ATXN1: variants seen among roughly 807,000 people sequenced by gnomAD.
ATXN1 encodes the protein ataxin-1.
Under a neutral mutation model 56.4 loss-of-function variants are expected in ATXN1, and 8 were observed. The observed-to-expected ratio is 0.14, with a 90% CI of 0.08 to 0.26. ATXN1 has a LOEUF of 0.26. Ranked by LOEUF, ATXN1 falls within the 10% of genes least tolerant of loss-of-function variation. The pLI, the probability that ATXN1 is intolerant of heterozygous loss-of-function variation, is 1.00. For synonymous variants in ATXN1, 514 were observed against 494.6 expected (o/e 1.04, Z -0.52); for missense variants, 987 against 1,106.5 (o/e 0.89, Z 1.53).
At chr6:16,627,548 G>A (rs549820881) in intron 3 of ATXN1, among the ~76,000 whole-genome samples, 137 of 152,252 alleles carry the variant, frequency 9.0e-4, no homozygotes, top group African/African-American at 3.2e-3. Context: ...CCAACATGGT[G>A]AAATCCCATC....
At chr6:16,472,766 CCATT>C (rs1415740743) in intron 6 of ATXN1, among the ~76,000 whole-genome samples, 1 of 152,116 alleles carries the variant, frequency 6.6e-6, no homozygotes, top group Non-Finnish European at 1.5e-5. Flanking sequence ...AAAATGCATC[CCATT>C]CAGTTAGCAG....
chr6:16,440,559 T>C (rs888507560), intron 6 of ATXN1, among the ~76,000 whole-genome samples: 1 of 149,160 alleles, frequency 6.7e-6, no homozygotes, highest in Admixed American at 6.8e-5. Flanking sequence ...GATGATTGCT[T>C]GAACCCAGGA....
intron 3 of ATXN1, among the ~76,000 whole-genome samples, chr6:16,611,746 A>G (rs1763109514): frequency 6.6e-6 from 1 of 152,108 alleles, no homozygotes; most frequent in South Asian, 2.1e-4. Context: ...AAGATAGTAG[A>G]GCATGGAAAT....
chr6:16,606,867 T>TGTTGTGTGTGTGTGTGTGTGTGTGTG (rs1554119511), intron 3 of ATXN1, among the ~76,000 whole-genome samples: 1 of 126,712 alleles, frequency 7.9e-6, no homozygotes, highest in Non-Finnish European at 1.7e-5. Flanking sequence ...GTTCCATGAG[T>TGTTGTGTGTGTGTGTGTGTGTGTGTG]TGTGTGTGTG....
At chr6:16,390,639 A>T (rs780869902) in intron 6 of ATXN1, among the ~76,000 whole-genome samples, 54 of 151,340 alleles carry the variant, frequency 3.6e-4, no homozygotes, top group Non-Finnish European at 6.8e-4. Flanking sequence ...TCCATTTACG[A>T]AAAACAAGAC....
chr6:16,433,682 C>T (rs1436628447), intron 6 of ATXN1, among the ~76,000 whole-genome samples: 2 of 152,218 alleles, frequency 1.3e-5, no homozygotes, highest in Non-Finnish European at 2.9e-5. Flanking sequence ...ATTCCTTTAA[C>T]TGTGACAGGC....
In ATXN1 at chr6:16,653,515, T is replaced by A. The variant is rs183505381; in HGVS notation, c.-489+4261A>T. ...CAGGTGTGGCTTTGGGAGCCAAGGA[T>A]AAAGCTTCTAGTTTAGCACAGTCCG... On this transcript the variant is annotated intron_variant, in intron 3 of 7. Transcript: ENST00000436367. Among the ~76,000 whole-genome samples the A allele has an allele frequency of 2.4e-3, 362 of 152,298 alleles. 4 individuals carry two copies. The highest frequency in any genetic ancestry group is 3.7e-3 in the Non-Finnish European group (249 of 68,028).
At chr6:16,705,322 T>A (rs1301115569) in intron 2 of ATXN1, among the ~76,000 whole-genome samples, 1 of 152,160 alleles carries the variant, frequency 6.6e-6, no homozygotes, top group Non-Finnish European at 1.5e-5. Flanking sequence ...GACTCAACAG[T>A]CACAGACCCA....
chr6:16,450,266 G>T (rs1356474544), intron 6 of ATXN1, among the ~76,000 whole-genome samples: 1 of 152,082 alleles, frequency 6.6e-6, no homozygotes, highest in Non-Finnish European at 1.5e-5. Context: ...CAAACACTCA[G>T]ATATAAGTAA....
chr6:16,657,239 G>A (rs776262439), intron 3 of ATXN1, among the ~76,000 whole-genome samples: 3 of 151,898 alleles, frequency 2.0e-5, no homozygotes, highest in Non-Finnish European at 4.4e-5. Flanking sequence ...CGCGCGCCTC[G>A]GCCTCCCAAA....
chr6:16,534,151 G>A (rs1190352526), intron 4 of ATXN1, among the ~76,000 whole-genome samples: 2 of 152,036 alleles, frequency 1.3e-5, no homozygotes, highest in African/African-American at 4.8e-5. Flanking sequence ...AGAAGGCTGG[G>A]TAATGGTTTA....
chr6:16,649,072 A>G (rs1421489877), intron 3 of ATXN1, among the ~76,000 whole-genome samples: 1 of 152,136 alleles, frequency 6.6e-6, no homozygotes, highest in African/African-American at 2.4e-5. Flanking sequence ...AGCCTTCATA[A>G]AATTCCATTC....
At chr6:16,452,284 A>G (rs967277611) in intron 6 of ATXN1, among the ~76,000 whole-genome samples, 2 of 152,240 alleles carry the variant, frequency 1.3e-5, no homozygotes, top group African/African-American at 2.4e-5. Context: ...ATATTTAGGG[A>G]ATGAATACAT....
At chr6:16,638,931 G>C (rs1293569675) in intron 3 of ATXN1, among the ~76,000 whole-genome samples, 1 of 152,338 alleles carries the variant, frequency 6.6e-6, no homozygotes, top group African/African-American at 2.4e-5. Flanking sequence ...GTGGTATTGA[G>C]AGGTGAAGCC....
In ATXN1 at chr6:16,300,432, T is replaced by G. The variant is rs557782178; in HGVS notation, c.*5897A>C. The G allele has an allele frequency of 2.6e-5, 4 of 152,010 alleles. No homozygotes were observed. Among genetic ancestry groups the G allele is most frequent in the Admixed American group, 1.3e-4 (2 of 15,276 alleles). 9.4% of individuals were successfully genotyped at this position (152,010 alleles called of 1,614,324 possible). On this transcript the variant is annotated 3_prime_UTR_variant, in exon 8 of 8. Transcript: ENST00000436367. ...TTCAACGAGAAGGGAGGGGACGAGA[T>G]TCTGAATTTAAGAATTGTAAGTGGG...
intron 6 of ATXN1, among the ~76,000 whole-genome samples, chr6:16,361,376 CTAAT>C (rs1406833732): frequency 6.6e-6 from 1 of 152,154 alleles, no homozygotes; most frequent in African/African-American, 2.4e-5. Flanking sequence ...ACGCACATGG[CTAAT>C]TATTTCTACA....
chr6:16,639,966 T>G (rs1253716326), intron 3 of ATXN1, among the ~76,000 whole-genome samples: 1 of 151,088 alleles, frequency 6.6e-6, no homozygotes, highest in Non-Finnish European at 1.5e-5. Flanking sequence ...CAGAACGTTA[T>G]TTTTTTTTAA....
intron 4 of ATXN1, among the ~76,000 whole-genome samples, chr6:16,536,019 T>C (rs903225322): frequency 3.9e-5 from 6 of 151,932 alleles, no homozygotes; most frequent in Admixed American, 3.3e-4. Context: ...GACACCAGCC[T>C]GGCAAAACCC....
intron 6 of ATXN1, among the ~76,000 whole-genome samples, chr6:16,378,091 T>C (rs1762179266): frequency 1.3e-5 from 2 of 152,216 alleles, no homozygotes; most frequent in Admixed American, 1.3e-4. Flanking sequence ...CCACAACCTG[T>C]GTGCAGGTAC....
Sources: gnomAD v4.1 joint callset for allele counts (sites outside exome capture counted in the v4.1 genomes callset) on GRCh38, gnomAD v4.1.1 for gene constraint, MANE v1.5 for transcripts, NCBI Gene and HGNC (gene_info 2026-07-23, HGNC 2026-07-21) for gene names.